The following FRMD3 variants were observed in gnomAD, a reference collection of about 807,000 sequenced individuals.
FRMD3 encodes FERM domain containing 3.
In FRMD3, 33 loss-of-function variants were observed where a neutral mutation model predicts 70.2. The observed-to-expected ratio is 0.47, with a 90% confidence interval of 0.36 to 0.63. FRMD3 has a LOEUF of 0.63. Among genes scored for constraint, FRMD3 ranks in the 20% least tolerant of loss-of-function variants. The pLI is 0.00. For missense variants in FRMD3, 632 were observed against 711.4 expected, an observed-to-expected ratio of 0.89 and a Z score of 1.27; for synonymous variants, 279 against 255.9, an observed-to-expected ratio of 1.09 and a Z score of -0.86.
At chr9:83,477,050 T>C (rs1828417139) in intron 1 of FRMD3, among the ~76,000 whole-genome samples, 1 of 152,152 alleles carries the variant, frequency 6.6e-6, no homozygotes, top group South Asian at 2.1e-4. Flanking sequence ...AAACAATAAG[T>C]AAAATCAACT....
chr9:83,313,747 C>T lies in FRMD3; in HGVS notation c.597G>A (p.Arg199=), dbSNP rs1381015595. Residue 199 remains arginine (R), a splice_region_variant and synonymous_variant, in exon 7 of 14, where the codon AGG becomes AGA. Coordinates refer to ENST00000304195, the MANE Select transcript of FRMD3 (RefSeq NM_174938.6). ...KIVEIHKNEL[R]GQSPPVAEFN... ...ATTCAGCAACTGGTGGGCTCTGCCCCCTAAAATCACACAAGAAAAGTTGAG... is the reference window on the plus strand; with the variant it reads ...ATTCAGCAACTGGTGGGCTCTGCCCTCTAAAATCACACAAGAAAAGTTGAG... 1 of 1,612,618 alleles carries T rather than the reference C, an allele frequency of 6.2e-7. No homozygotes were observed. Among genetic ancestry groups the T allele is most frequent in the Non-Finnish European group, 8.5e-7 (1 of 1,178,762 alleles).
the FRMD3 span, among the ~76,000 whole-genome samples, chr9:83,552,295 A>G: frequency 6.6e-6 from 1 of 151,960 alleles, no homozygotes; most frequent in African/African-American, 2.4e-5. Context: ...AGAAATTTTC[A>G]TTGTGTTGAT....
intron 13 of FRMD3, chr9:83,267,287 A>G: frequency 1.4e-6 from 2 of 1,474,410 alleles, no homozygotes; most frequent in Non-Finnish European, 9.0e-7. Flanking sequence ...GAAATAACTC[A>G]TGAGGGATCA....
chr9:83,487,866 A>C (rs1828722470), intron 1 of FRMD3, among the ~76,000 whole-genome samples: 1 of 152,202 alleles, frequency 6.6e-6, no homozygotes, highest in Admixed American at 6.5e-5. Context: ...CAACAACCCA[A>C]AATAATAAAA....
At chr9:83,442,651 G>T (rs1367761180) in intron 1 of FRMD3, among the ~76,000 whole-genome samples, 2 of 151,858 alleles carry the variant, frequency 1.3e-5, no homozygotes, top group African/African-American at 4.8e-5. Flanking sequence ...GTGGAGGGGG[G>T]GTACATTCCC....
chr9:83,384,185 C>T (rs3860911), intron 2 of FRMD3, among the ~76,000 whole-genome samples: 34,196 of 152,122 alleles, frequency 0.22, 4,033 homozygotes, highest in Non-Finnish European at 0.27. Context: ...CCTTTTGAAA[C>T]GTAAACAAAA....
At chr9:83,322,371 C>A (rs956133322) in intron 6 of FRMD3, among the ~76,000 whole-genome samples, 4 of 152,156 alleles carry the variant, frequency 2.6e-5, no homozygotes, top group Admixed American at 2.6e-4. Context: ...CCCAGGCAAG[C>A]AGTGTGGACG....
intron 1 of FRMD3, among the ~76,000 whole-genome samples, chr9:83,446,484 A>G (rs1325014555): frequency 6.6e-6 from 1 of 152,000 alleles, no homozygotes; most frequent in African/African-American, 2.4e-5. Flanking sequence ...CGTCTCTACT[A>G]AAAATACAAA....
intron 3 of FRMD3, among the ~76,000 whole-genome samples, chr9:83,358,966 C>T (rs188709123): frequency 5.3e-5 from 8 of 152,104 alleles, no homozygotes; most frequent in Non-Finnish European, 7.4e-5. Flanking sequence ...ATAAGCCAGC[C>T]ACAGAGAGTG....
chr9:83,505,855 C>T (rs1257724643), intron 1 of FRMD3, among the ~76,000 whole-genome samples: 3 of 152,188 alleles, frequency 2.0e-5, no homozygotes, highest in Admixed American at 2.0e-4. Flanking sequence ...TGAAGGTCCT[C>T]CGTGATCCCG....
At position 83,294,888 on chromosome 9, in the gene FRMD3, T is replaced by C. The variant is rs78797174; in HGVS notation, c.1070+3860A>G. 2.3e-3 allele frequency among the ~76,000 whole-genome samples: 343 copies of C among 152,322 alleles called. 6 individuals carry two copies. The East Asian group carries it at 0.057, about 25-fold the overall frequency. On this transcript the variant is annotated intron_variant, in intron 12 of 13. Coordinates refer to ENST00000304195, the MANE Select transcript of FRMD3 (RefSeq NM_174938.6). ...ACTGTGTCAGGCACTTTCTGAAGTA[T>C]GTGCAGATGTCCCAGTCAGCTTCCA...
chr9:83,482,714 G>A (rs1048325122), intron 1 of FRMD3, among the ~76,000 whole-genome samples: 1 of 152,204 alleles, frequency 6.6e-6, no homozygotes, highest in African/African-American at 2.4e-5. Context: ...CCTAGGCTAT[G>A]TGCCAAGGGA....
At chr9:83,446,665 A>G (rs1827482757) in intron 1 of FRMD3, among the ~76,000 whole-genome samples, 1 of 146,848 alleles carries the variant, frequency 6.8e-6, no homozygotes, top group African/African-American at 2.5e-5. Context: ...AAAAAAAAAA[A>G]AAGGAAACCT....
At position 83,437,846 on chromosome 9, in the gene FRMD3, C is replaced by G. The variant is rs1827181043; in HGVS notation, c.148-48138G>C. On this transcript the variant is annotated intron_variant, in intron 1 of 13. Transcript: ENST00000304195. ...GACATAAAGTTTGTATGAGACTTGT[C>G]ATATTAGAAGAACATGCGCGTCACT... Among the ~76,000 whole-genome samples the G allele has an allele frequency of 2.0e-5, 3 of 152,284 alleles. No homozygotes were observed. In the South Asian group the frequency reaches 6.2e-4, roughly 32 times the overall value.
chr9:83,358,033 C>A (rs956226329), intron 3 of FRMD3, among the ~76,000 whole-genome samples: 1 of 152,124 alleles, frequency 6.6e-6, no homozygotes, highest in Non-Finnish European at 1.5e-5. Context: ...CCCATGTTAT[C>A]CAATGCTACC....
chr9:83,531,826 T>C (rs939867972), intron 1 of FRMD3, among the ~76,000 whole-genome samples: 1 of 152,208 alleles, frequency 6.6e-6, no homozygotes, highest in Non-Finnish European at 1.5e-5. Flanking sequence ...TACAACATGC[T>C]TTTACATAAG....
At chr9:83,355,392 C>A (rs1004946250) in intron 3 of FRMD3, among the ~76,000 whole-genome samples, 1 of 152,172 alleles carries the variant, frequency 6.6e-6, no homozygotes, top group Non-Finnish European at 1.5e-5. Flanking sequence ...AGCATGGTCA[C>A]CCCATGGGAG....
In FRMD3 at chr9:83,459,696, G is replaced by C. The variant is rs569676133; in HGVS notation, c.148-69988C>G. Among the ~76,000 whole-genome samples, 3 of 152,358 alleles carry C rather than the reference G, an allele frequency of 2.0e-5. No homozygotes were observed. The East Asian group carries it at 5.8e-4, about 29-fold the overall frequency. On this transcript the variant is annotated intron_variant, in intron 1 of 13. Transcript: ENST00000304195. ...TGAAGCCTCCTCAGAAGTCAGCTGGGTTGAACTGCCATGGCCCACAGCAGT... is the reference window on the plus strand; with the variant it reads ...TGAAGCCTCCTCAGAAGTCAGCTGGCTTGAACTGCCATGGCCCACAGCAGT...
chr9:83,363,839 T>G (rs141594079), intron 3 of FRMD3, among the ~76,000 whole-genome samples: 2 of 152,022 alleles, frequency 1.3e-5, no homozygotes, highest in Non-Finnish European at 2.9e-5. Context: ...CAGGCGTGAG[T>G]CACTGCGCCC....
Sources: allele counts gnomAD v4.1 joint callset (sites outside exome capture counted in the v4.1 genomes callset), GRCh38; gene constraint gnomAD v4.1.1; transcripts MANE v1.5; gene names NCBI Gene and HGNC (gene_info 2026-07-23, HGNC 2026-07-21).